The following VPS16 variants were observed in gnomAD, a reference collection of about 807,000 sequenced individuals.
VPS16 encodes the protein VPS16 core subunit of CORVET and HOPS complexes.
Under a neutral mutation model 116.0 loss-of-function variants are expected in VPS16, and 82 were observed. The ratio of observed to expected loss-of-function variants is 0.71; its 90% confidence interval spans 0.59 to 0.85. The LOEUF (loss-of-function observed/expected upper bound fraction) is 0.85, where lower values mean the gene tolerates loss of function less well. VPS16 is among the 40% of genes least tolerant of loss of function. VPS16 has a pLI of 0.00. For synonymous variants in VPS16, 406 were observed against 420.7 expected (o/e 0.96, Z 0.43); for missense variants, 928 against 1,090.6 (o/e 0.85, Z 2.10).
At chr20:2,844,712 T>C (rs548339914) in intron 1 of VPS16, among the ~76,000 whole-genome samples, 6 of 152,256 alleles carry the variant, frequency 3.9e-5, no homozygotes, top group African/African-American at 1.4e-4. Flanking sequence ...AAAGAAGTAA[T>C]AATACCCTAT....
At chr20:2,850,779 G>A (rs1336394496) in intron 1 of VPS16, among the ~76,000 whole-genome samples, 2 of 149,642 alleles carry the variant, frequency 1.3e-5, no homozygotes, top group East Asian at 2.0e-4. Context: ...ACCAGCCTGG[G>A]CAACATGGTG....
chr20:2,862,664 C>T lies in VPS16; in HGVS notation c.1157C>T (p.Ala386Val). 1 of 1,608,518 alleles carries T rather than the reference C, an allele frequency of 6.2e-7. No homozygotes were observed. Among genetic ancestry groups the T allele is most frequent in the Non-Finnish European group, 8.5e-7 (1 of 1,178,416 alleles). The change falls in exon 12 of 24, where the codon GCT (alanine) becomes GTT (valine). Residue 386 changes from alanine to valine, a missense_variant. Ala to Val is a moderately conservative substitution (Grantham distance 64, BLOSUM62 0). Transcript: ENST00000380445. Reference sequence around the variant, plus strand: ...CAGGCCGTGCAGCAGTGCATTGAGGCTGCAGGACATGAGCACCAGCCAGAC... The same window carrying T: ...CAGGCCGTGCAGCAGTGCATTGAGGTTGCAGGACATGAGCACCAGCCAGAC... The part of the protein sequence containing the change: ...LTQAVQQCIE[A>V]AGHEHQPDMQ...
At position 2,861,643 on chromosome 20, in the gene VPS16, G is replaced by A. The variant is rs778336262; in HGVS notation, c.838G>A (p.Ala280Thr). The A allele has an allele frequency of 2.2e-5, 36 of 1,612,798 alleles. No individual in the cohort carries two copies. The highest frequency in any genetic ancestry group is 2.7e-5 in the Non-Finnish European group (32 of 1,179,832). Residue 280 changes from alanine to threonine, a missense_variant, in exon 9 of 24, where the codon GCC becomes ACC. By Grantham distance (58) the Ala-to-Thr change is moderately conservative. Coordinates refer to ENST00000380445, the MANE Select transcript of VPS16 (RefSeq NM_022575.4). ...WCSRPRSKER[A>T]VVVAWERRLM... is the part of the protein sequence containing the mutation. ...CAGCCGTCCTCGTAGCAAGGAGAGG[G>A]CCGTGGTGGTGGCCTGGGAAAGGCG... is the stretch of plus-strand genomic sequence containing the variant.
Position 2,865,126 on chromosome 20 carries a change from GC to G in VPS16, c.2005-20del. ...CCTCCTGGTCCCTCATCCCCATCAT[GC>G]CTCATTATCCGGGTCCCCAGGCTAC... On this transcript the variant is annotated intron_variant, in intron 20 of 23. Coordinates refer to ENST00000380445, the MANE Select transcript of VPS16 (RefSeq NM_022575.4). This position sits in a 1 kb window ranked among gnomAD's most constrained non-coding sequence, Gnocchi z 5.2. 6.2e-7 allele frequency: 1 copy of G among 1,614,120 alleles called. No homozygotes were observed. The highest frequency in any genetic ancestry group is 1.7e-5 in the Admixed American group (1 of 60,000).
chr20:2,845,355 G>A (rs2089047848), intron 1 of VPS16, among the ~76,000 whole-genome samples: 1 of 151,978 alleles, frequency 6.6e-6, no homozygotes, highest in African/African-American at 2.4e-5. Flanking sequence ...AGGTGAGCTT[G>A]GTTCTAGATA....
intron 1 of VPS16, 97 bp downstream of exon 1, chr20:2,840,924 TG>T: frequency 2.5e-6 from 3 of 1,200,634 alleles, no homozygotes; most frequent in Non-Finnish European, 3.5e-6. Context: ...CTACTGGCGC[TG>T]GGGTCCGCCC....
chr20:2,842,678 A>G (rs2088996579), intron 1 of VPS16, among the ~76,000 whole-genome samples: 1 of 141,922 alleles, frequency 7.0e-6, no homozygotes, highest in African/African-American at 2.8e-5. Context: ...GTATCTATAT[A>G]TATATAGATA....
In VPS16 at chr20:2,864,934, G is replaced by T; in HGVS notation, c.1927-44G>T. The T allele has an allele frequency of 6.2e-7, 1 of 1,612,256 alleles. No individual in the cohort carries two copies. Among genetic ancestry groups the T allele is most frequent in the Non-Finnish European group, 8.5e-7 (1 of 1,178,672 alleles). On this transcript the variant is annotated intron_variant, in intron 19 of 23. Coordinates refer to ENST00000380445, the MANE Select transcript of VPS16 (RefSeq NM_022575.4). This position sits in a 1 kb window ranked among gnomAD's most constrained non-coding sequence, Gnocchi z 5.2. ...TGTAGCCTGGGTGAGGAGGGCGAGG[G>T]TCCTGCATGCTGTGAGTTCAGGCCT...
intron 1 of VPS16, chr20:2,841,196 G>A (rs2088968392): frequency 3.2e-6 from 1 of 310,512 alleles, no homozygotes; most frequent in African/African-American, 2.2e-5. Flanking sequence ...GGATCGCACG[G>A]CGGGCGGGGT....
In VPS16 at chr20:2,864,297, A is replaced by G; in HGVS notation, c.1720+10A>G. The G allele has an allele frequency of 6.8e-6, 11 of 1,614,066 alleles. No homozygotes were observed. Among genetic ancestry groups the G allele is most frequent in the Non-Finnish European group, 9.3e-6 (11 of 1,179,990 alleles). ...GGGGACACTGACCTGGGTGAGGGCA[A>G]GGCTGGGGGGCCCCTGGGCTAAGTG... On this transcript the variant is annotated intron_variant, in intron 17 of 23. Coordinates refer to ENST00000380445, the MANE Select transcript of VPS16 (RefSeq NM_022575.4). This position sits in a 1 kb window ranked among gnomAD's most constrained non-coding sequence, Gnocchi z 5.2.
In VPS16 at chr20:2,861,041, G is replaced by A; in HGVS notation, c.702G>A (p.Leu234=). ...CTGTCTCCTTCACCTACCGACACCT[G>A]GCACTCTTCACAGACACAGGCTACA... ...QMAVSFTYRH[L]ALFTDTGYIW... The change falls in exon 7 of 24, where the codon CTG becomes CTA. Residue 234 remains leucine, a synonymous_variant. Coordinates refer to ENST00000380445, the MANE Select transcript of VPS16 (RefSeq NM_022575.4). 1 of 1,614,174 alleles carries A rather than the reference G, an allele frequency of 6.2e-7. No individual in the cohort carries two copies. The highest frequency in any genetic ancestry group is 1.1e-5 in the South Asian group (1 of 91,078).
Position 2,851,785 on chromosome 20 carries a change from C to T in VPS16, c.54-7934C>T, listed in dbSNP as rs146626525. ...GAGATCGAGACCATCCTGGCTAACACGGTGAAACCCCGTCTCTACTAAAAA... is the reference window on the plus strand; with the variant it reads ...GAGATCGAGACCATCCTGGCTAACATGGTGAAACCCCGTCTCTACTAAAAA... On this transcript the variant is annotated intron_variant, in intron 1 of 23. Transcript: ENST00000380445. 3.2e-3 allele frequency among the ~76,000 whole-genome samples: 480 copies of T among 151,782 alleles called. 3 individuals are homozygous for T. The highest frequency in any genetic ancestry group is 0.011 in the African/African-American group (455 of 41,362).
intron 1 of VPS16, among the ~76,000 whole-genome samples, chr20:2,853,465 A>G (rs2089141620): frequency 6.6e-6 from 1 of 152,098 alleles, no homozygotes; most frequent in South Asian, 2.1e-4. Flanking sequence ...TTATTTGTTC[A>G]AGTGCTGAGA....
rs1249528605 is a variant in VPS16 at position 2,862,941 on chromosome 20, C to T, written c.1331+7C>T. The T allele has an allele frequency of 6.2e-7, 1 of 1,613,642 alleles. No individual in the cohort carries two copies. The highest frequency in any genetic ancestry group is 1.3e-5 in the African/African-American group (1 of 74,902). ...TCCCGCTCACCTATAGCCAGTATCC[C>T]TGTGCACGCCAGAAGGGTACCCTAC... On this transcript the variant is annotated splice_region_variant and intron_variant, in intron 13 of 23. Transcript: ENST00000380445.
chr20:2,864,537 G>T lies in VPS16; in HGVS notation c.1819-10G>T. The T allele has an allele frequency of 6.2e-7, 1 of 1,614,164 alleles. No individual in the cohort carries two copies. The highest frequency in any genetic ancestry group is 8.5e-7 in the Non-Finnish European group (1 of 1,180,030). ...GGCCTTGCTGACTGATTGCCTGCCT[G>T]TGGCCCCAGTTCTGTAAGCATCAGG... On this transcript the variant is annotated splice_polypyrimidine_tract_variant and intron_variant, in intron 18 of 23. Coordinates refer to ENST00000380445, the MANE Select transcript of VPS16 (RefSeq NM_022575.4). The surrounding 1 kb of genome is among the most constrained non-coding windows in gnomAD (Gnocchi z 5.2).
intron 1 of VPS16, among the ~76,000 whole-genome samples, chr20:2,844,624 T>G (rs1290048770): frequency 6.6e-6 from 1 of 152,112 alleles, no homozygotes; most frequent in Admixed American, 6.5e-5. Flanking sequence ...ATAATCACTA[T>G]AAAGAGAGGT....
At position 2,840,826 on chromosome 20, in the gene VPS16, C is replaced by T; in HGVS notation, c.52C>T (p.Arg18Trp). The stretch of plus-strand genomic sequence containing the variant: ...CCCACTCGGGGACTCTGCCTTTTAC[C>T]GGTGAGCTGCCCCGCCCTCCCGCCC... ...WNPLGDSAFYRKYELYSMDWD... is the reference protein window; with the variant it reads ...WNPLGDSAFYWKYELYSMDWD... The change falls in exon 1 of 24, where the codon CGG becomes TGG. Residue 18 changes from arginine (R) to tryptophan (W), a missense_variant and splice_region_variant. By Grantham distance (101) the Arg-to-Trp change is moderately radical. Transcript: ENST00000380445. 1 of 1,547,622 alleles carries T rather than the reference C, an allele frequency of 6.5e-7. No homozygotes were observed.
In VPS16 at chr20:2,864,232, G is replaced by A; in HGVS notation, c.1665G>A (p.Met555Ile). Residue 555 changes from methionine (M) to isoleucine (I), a missense_variant, in exon 17 of 24, where the codon ATG becomes ATA. Met to Ile is a conservative substitution (Grantham distance 10). Coordinates refer to ENST00000380445, the MANE Select transcript of VPS16 (RefSeq NM_022575.4). The surrounding 1 kb of genome is among the most constrained non-coding windows in gnomAD (Gnocchi z 5.2). ...AGCAGGTACCCCTTCTCCTAAAGATGAAGAGGAGCAAACTGGCACTAAGCA... is the reference window on the plus strand; with the variant it reads ...AGCAGGTACCCCTTCTCCTAAAGATAAAGAGGAGCAAACTGGCACTAAGCA... The part of the protein sequence containing the change: ...SGEQVPLLLK[M>I]KRSKLALSKA... The A allele has an allele frequency of 6.2e-7, 1 of 1,614,218 alleles. No individual in the cohort carries two copies.
chr20:2,844,246 T>G (rs2089036942), intron 1 of VPS16, among the ~76,000 whole-genome samples: 1 of 152,268 alleles, frequency 6.6e-6, no homozygotes, highest in African/African-American at 2.4e-5. Flanking sequence ...CATAGCTTTA[T>G]GCATAGGCAG....
Sources: gnomAD v4.1 joint callset for allele counts (sites outside exome capture counted in the v4.1 genomes callset) on GRCh38, gnomAD v4.1.1 for gene constraint, Gnocchi (gnomAD v3.1) non-coding constraint, MANE v1.5 for transcripts, NCBI Gene and HGNC (gene_info 2026-07-23, HGNC 2026-07-21) for gene names.